LRFN5: variants seen among roughly 807,000 people sequenced by gnomAD.
LRFN5 encodes leucine-rich repeat and fibronectin type-III domain-containing protein 5.
In LRFN5, 24 loss-of-function variants were observed where a neutral mutation model predicts 45.6. That is an observed-to-expected ratio of 0.53 (90% CI 0.38 to 0.74). The LOEUF is 0.74. Among genes scored for constraint, LRFN5 ranks in the 30% least tolerant of loss-of-function variants. The probability of loss-of-function intolerance (pLI) is 0.00; values close to 1 mark genes in which losing one functional copy is unlikely to be tolerated. For synonymous variants in LRFN5, 340 were observed against 313.8 expected, an observed-to-expected ratio of 1.08 and a Z score of -0.88; for missense variants, 776 against 861.5, an observed-to-expected ratio of 0.90 and a Z score of 1.24.
intron 2 of LRFN5, among the ~76,000 whole-genome samples, chr14:41,832,283 C>G (rs900256424): frequency 6.6e-6 from 1 of 152,162 alleles, no homozygotes; most frequent in Non-Finnish European, 1.5e-5. Flanking sequence ...GGGTTGTTAA[C>G]ATTTTCCATT....
At chr14:41,727,120 G>A (rs8019461) in intron 1 of LRFN5, among the ~76,000 whole-genome samples, 6,825 of 152,234 alleles carry the variant, frequency 0.045, 339 homozygotes, top group African/African-American at 0.12. Flanking sequence ...ACAGTGACAA[G>A]ACTTTTTACT....
At chr14:41,858,382 C>G (rs932493964) in intron 2 of LRFN5, among the ~76,000 whole-genome samples, 1 of 152,124 alleles carries the variant, frequency 6.6e-6, no homozygotes, top group East Asian at 1.9e-4. Flanking sequence ...ATGCCTATTT[C>G]CAGTAAAAAA....
intron 1 of LRFN5, among the ~76,000 whole-genome samples, chr14:41,679,813 G>T (rs897884061): frequency 6.6e-6 from 1 of 152,190 alleles, no homozygotes; most frequent in Non-Finnish European, 1.5e-5. Context: ...GGCACTTGGA[G>T]TCCTTGATTC....
chr14:41,655,038 G>A (rs1880312669), intron 1 of LRFN5, among the ~76,000 whole-genome samples: 1 of 151,996 alleles, frequency 6.6e-6, no homozygotes, highest in African/African-American at 2.4e-5. Context: ...GATGTATACT[G>A]TAATGCTTAC....
chr14:41,898,774 GGTAA>G (rs1891017233), intron 4 of LRFN5, 139 bp from the exon 5 acceptor site: 2 of 699,952 alleles, frequency 2.9e-6, no homozygotes, highest in African/African-American at 1.9e-5. Context: ...CCCATGAACT[GGTAA>G]GTTTTTTAAA....
chr14:41,782,950 A>G (rs1886581944), intron 2 of LRFN5, among the ~76,000 whole-genome samples: 1 of 146,042 alleles, frequency 6.8e-6, no homozygotes, highest in East Asian at 2.0e-4. Flanking sequence ...TATAATCTTT[A>G]CAAGTGTTCC....
chr14:41,667,914 G>A (rs1339747371), intron 1 of LRFN5, among the ~76,000 whole-genome samples: 1 of 152,072 alleles, frequency 6.6e-6, no homozygotes. Flanking sequence ...ATGGCATCTT[G>A]ACTGTGCTCC....
At chr14:41,734,316 T>TTATATACATATATATATATATA (rs1884316906) in intron 1 of LRFN5, among the ~76,000 whole-genome samples, 1 of 38,798 alleles carries the variant, frequency 2.6e-5, no homozygotes, top group South Asian at 2.6e-3. Flanking sequence ...TGGACTGGTT[T>TTATATACATATATATATATATA]TATATATATA....
chr14:41,765,689 A>G lies in LRFN5; in HGVS notation c.-196-1165A>G, dbSNP rs1338055661. Among the ~76,000 whole-genome samples the G allele has an allele frequency of 3.3e-5, 5 of 152,334 alleles. No individual in the cohort carries two copies. The East Asian group carries it at 9.6e-4, about 29-fold the overall frequency. On this transcript the variant is annotated intron_variant, in intron 1 of 5. Coordinates refer to ENST00000298119, the MANE Select transcript of LRFN5 (RefSeq NM_152447.5). ...TTTGTGTATGTGGTATGTCCCAGTTATTCTAAAATGCTATAGTAAACATAA... is the reference window on the plus strand; with the variant it reads ...TTTGTGTATGTGGTATGTCCCAGTTGTTCTAAAATGCTATAGTAAACATAA...
intron 2 of LRFN5, among the ~76,000 whole-genome samples, chr14:41,865,631 A>C (rs1170025963): frequency 2.6e-5 from 4 of 152,206 alleles, no homozygotes; most frequent in Non-Finnish European, 4.4e-5. Flanking sequence ...TAACATTTTA[A>C]GCAATTATAT....
chr14:41,610,687 T>G (rs1471843560), intron 1 of LRFN5, among the ~76,000 whole-genome samples: 3 of 42,504 alleles, frequency 7.1e-5, no homozygotes, highest in Admixed American at 6.8e-4. Context: ...AAAAAAAGTG[T>G]ATTGCCTGGA....
intron 1 of LRFN5, among the ~76,000 whole-genome samples, chr14:41,671,352 T>G (rs1221644192): frequency 2.6e-5 from 4 of 152,132 alleles, no homozygotes; most frequent in African/African-American, 9.6e-5. Flanking sequence ...TTTTCCTCTT[T>G]AAAATATTTT....
chr14:41,822,850 GTTGTTTT>G (rs1888163074), intron 2 of LRFN5, among the ~76,000 whole-genome samples: 1 of 70,428 alleles, frequency 1.4e-5, no homozygotes, highest in Admixed American at 1.5e-4. Flanking sequence ...TATATTTAGG[GTTGTTTT>G]TTTTTTTTTT....
chr14:41,802,435 G>A (rs1322331482), intron 2 of LRFN5, among the ~76,000 whole-genome samples: 1 of 152,132 alleles, frequency 6.6e-6, no homozygotes, highest in African/African-American at 2.4e-5. Context: ...ATTCCATCAG[G>A]TATGAGGGTA....
chr14:41,762,525 G>A (rs1436689844), intron 1 of LRFN5, among the ~76,000 whole-genome samples: 1 of 152,046 alleles, frequency 6.6e-6, no homozygotes, highest in Non-Finnish European at 1.5e-5. Context: ...AGGTTTAGCA[G>A]TATTAATGGT....
At chr14:41,812,349 C>T (rs1192475422) in intron 2 of LRFN5, among the ~76,000 whole-genome samples, 4 of 151,674 alleles carry the variant, frequency 2.6e-5, no homozygotes, top group South Asian at 2.1e-4. Flanking sequence ...TAAAGACTAG[C>T]ATCTTAATAA....
intron 1 of LRFN5, among the ~76,000 whole-genome samples, chr14:41,753,482 A>G (rs1885230795): frequency 1.3e-5 from 2 of 152,038 alleles, no homozygotes; most frequent in Non-Finnish European, 2.9e-5. Flanking sequence ...GGTCCTTCAC[A>G]TCCCCTGTAA....
chr14:41,829,658 G>T (rs1888411855), intron 2 of LRFN5, among the ~76,000 whole-genome samples: 1 of 151,404 alleles, frequency 6.6e-6, no homozygotes, highest in Non-Finnish European at 1.5e-5. Flanking sequence ...TTCATTAAGT[G>T]GTTATATTCC....
chr14:41,853,671 G>A (rs74965634), intron 2 of LRFN5, among the ~76,000 whole-genome samples: 2,373 of 152,122 alleles, frequency 0.016, 64 homozygotes, highest in African/African-American at 0.055. Context: ...ACTCAGAGGG[G>A]AAATCAGGAC....
Sources: allele counts gnomAD v4.1 joint callset (sites outside exome capture counted in the v4.1 genomes callset), GRCh38; gene constraint gnomAD v4.1.1; transcripts MANE v1.5; gene names NCBI Gene and HGNC (gene_info 2026-07-23, HGNC 2026-07-21).